Variants in ATXN3 observed in about 807,000 individuals in gnomAD.
ATXN3 encodes ataxin-3.
ATXN3 carries 28 observed loss-of-function variants against 58.2 expected under a neutral mutation model. The ratio of observed to expected loss-of-function variants is 0.48; its 90% CI spans 0.36 to 0.66. The LOEUF (loss-of-function observed/expected upper bound fraction) is 0.66, where lower values mean the gene tolerates loss of function less well. Ranked by LOEUF, ATXN3 falls within the 30% of genes least tolerant of loss-of-function variation. The pLI, the probability that ATXN3 is intolerant of heterozygous loss-of-function variation, is 0.00. For synonymous variants in ATXN3, 113 were observed against 138.5 expected (o/e 0.82, Z 1.29); for missense variants, 321 against 422.1 (o/e 0.76, Z 2.10).
intron 9 of ATXN3, among the ~76,000 whole-genome samples, chr14:92,076,812 T>A (rs1272313888): frequency 6.6e-6 from 1 of 151,216 alleles, no homozygotes; most frequent in Non-Finnish European, 1.5e-5. Context: ...TGGAGGCACT[T>A]GCCTGTAACC....
At chr14:92,069,507 G>A (rs1054538647) in intron 10 of ATXN3, among the ~76,000 whole-genome samples, 6 of 150,486 alleles carry the variant, frequency 4.0e-5, no homozygotes, top group East Asian at 2.0e-4. Context: ...CTGAATAGCT[G>A]GACTACAGGT....
In ATXN3 at chr14:92,082,366, G is replaced by C; in HGVS notation, c.709C>G (p.Arg237Gly). The C allele has an allele frequency of 6.2e-7, 1 of 1,614,040 alleles. No individual in the cohort carries two copies. The highest frequency in any genetic ancestry group is 8.5e-7 in the Non-Finnish European group (1 of 1,180,020). Residue 237 changes from arginine (R) to glycine (G), a missense_variant, in exon 8 of 11, where the codon CGC (arginine) becomes GGC (glycine). By Grantham distance (125) the Arg-to-Gly change is moderately radical. This residue lies in a region of ATXN3 where 200 missense variants were observed against 223.2 expected (regional missense o/e 0.90). Coordinates refer to ENST00000644486, the MANE Select transcript of ATXN3 (RefSeq NM_004993.6). ...EDLQRALALS[R>G]QEIDMEDEEA... The stretch of plus-strand genomic sequence containing the variant: ...TCATCTTCCATGTCAATTTCTTGGC[G>C]ACTTAGTGCCAGAGCCCTCTGCAAA...
At chr14:92,065,499 C>T (rs956883939) in intron 10 of ATXN3, among the ~76,000 whole-genome samples, 9 of 151,774 alleles carry the variant, frequency 5.9e-5, no homozygotes, top group Admixed American at 2.6e-4. Context: ...TTAGGGAGGC[C>T]GAGGCAGGCA....
At chr14:92,051,601 C>T (rs78991738), upstream of ATXN3, among the ~76,000 whole-genome samples, 585 of 145,066 alleles carry the variant, frequency 4.0e-3, 6 homozygotes, top group African/African-American at 0.014. Context: ...ACCCTGAGCC[C>T]TTTCAAAAAG....
chr14:92,069,414 C>A (rs1280561824), intron 10 of ATXN3, among the ~76,000 whole-genome samples: 1 of 136,178 alleles, frequency 7.3e-6, no homozygotes, highest in African/African-American at 2.8e-5. Context: ...TGCTCTGTCA[C>A]CCAGGCTGGA....
intron 3 of ATXN3, among the ~76,000 whole-genome samples, chr14:92,094,108 AT>A (rs2064596501): frequency 6.6e-6 from 1 of 151,806 alleles, no homozygotes; most frequent in African/African-American, 2.4e-5. Flanking sequence ...ACACCCAGCT[AT>A]TTTTGTATTT....
At chr14:92,106,465 T>C (rs1013993961) in intron 1 of ATXN3, 64 bp downstream of exon 1, 1 of 1,602,490 alleles carries the variant, frequency 6.2e-7, no homozygotes, top group African/African-American at 1.4e-5. Flanking sequence ...CGAGAGGCGG[T>C]GATGCCGCGC....
At chr14:92,094,186 C>T (rs556847412) in intron 3 of ATXN3, among the ~76,000 whole-genome samples, 1 of 152,024 alleles carries the variant, frequency 6.6e-6, no homozygotes, top group Non-Finnish European at 1.5e-5. Context: ...GTGATCCACC[C>T]GCCTGGGCCT....
At chr14:92,104,297 C>T (rs1450731086) in intron 1 of ATXN3, among the ~76,000 whole-genome samples, 1 of 152,112 alleles carries the variant, frequency 6.6e-6, no homozygotes, top group Non-Finnish European at 1.5e-5. Context: ...CCTGCCACCA[C>T]ACCTGGCTAA....
In ATXN3 at chr14:92,076,600, T is replaced by C. The variant is rs1358325455; in HGVS notation, c.872+4365A>G. Reference sequence around the variant, plus strand: ...AGATATACCTGTAAATTTTGTATTATAGTTTCTCTATGATGTATGTCTTTA... The same window carrying C: ...AGATATACCTGTAAATTTTGTATTACAGTTTCTCTATGATGTATGTCTTTA... On this transcript the variant is annotated intron_variant, in intron 9 of 10. Coordinates refer to ENST00000644486, the MANE Select transcript of ATXN3 (RefSeq NM_004993.6). Among the ~76,000 whole-genome samples, 4 of 152,090 alleles carry C rather than the reference T, an allele frequency of 2.6e-5. No homozygotes were observed. In the South Asian group the frequency reaches 6.2e-4, roughly 24 times the overall value.
chr14:92,074,312 C>T (rs757273036), intron 9 of ATXN3, among the ~76,000 whole-genome samples: 35 of 152,024 alleles, frequency 2.3e-4, no homozygotes, highest in Non-Finnish European at 5.1e-4. Context: ...GGGCGACAGA[C>T]AAGACTCCGT....
At chr14:92,081,521 G>T (rs2061488083) in intron 8 of ATXN3, among the ~76,000 whole-genome samples, 1 of 147,520 alleles carries the variant, frequency 6.8e-6, no homozygotes, top group Non-Finnish European at 1.5e-5. Flanking sequence ...ATCTAAAGCT[G>T]ATTTCTGTCC....
At chr14:92,091,970 ACAGGCATGAGC>A in intron 5 of ATXN3, among the ~76,000 whole-genome samples, 1 of 152,120 alleles carries the variant, frequency 6.6e-6, no homozygotes, top group Admixed American at 6.6e-5. Context: ...TGCTGGGATT[ACAGGCATGAGC>A]CACTGCATCT....
Position 92,100,757 on chromosome 14 carries a change from G to A in ATXN3, c.25-3919C>T, listed in dbSNP as rs569115272. ...GACAGTACCTAGAAAAGGGAATAAT[G>A]GGAGGTTATAGGATGCAGGTAAATC... On this transcript the variant is annotated intron_variant, in intron 1 of 10. Transcript: ENST00000644486. 2.1e-4 allele frequency among the ~76,000 whole-genome samples: 32 copies of A among 152,260 alleles called. 2 individuals are homozygous for A. Among genetic ancestry groups the A allele is most frequent in the Non-Finnish European group, 3.7e-4 (25 of 68,028 alleles).
chr14:92,105,750 T>A (rs2068142021), intron 1 of ATXN3, among the ~76,000 whole-genome samples: 1 of 152,096 alleles, frequency 6.6e-6, no homozygotes, highest in East Asian at 1.9e-4. Flanking sequence ...AAGTGCATGG[T>A]CACGGAAGAG....
chr14:92,087,980 T>C (rs1003586722), intron 6 of ATXN3, among the ~76,000 whole-genome samples: 2 of 151,810 alleles, frequency 1.3e-5, no homozygotes, highest in Non-Finnish European at 2.9e-5. Context: ...ACGAGTCAGA[T>C]CCTAAAATCA....
intron 9 of ATXN3, chr14:92,071,342 T>A (rs1006694957): frequency 6.0e-6 from 3 of 499,374 alleles, no homozygotes; most frequent in African/African-American, 5.9e-5. Flanking sequence ...ACACCTGTAA[T>A]CCCAGCACTT....
intron 1 of ATXN3, among the ~76,000 whole-genome samples, chr14:92,105,732 G>A (rs1410912085): frequency 6.6e-6 from 1 of 152,170 alleles, no homozygotes; most frequent in African/African-American, 2.4e-5. Flanking sequence ...ATCACAAACA[G>A]TATCTTCAAG....
Position 92,061,567 on chromosome 14 carries a change from T to C in ATXN3, c.*2753A>G, listed in dbSNP as rs926081364. On this transcript the variant is annotated 3_prime_UTR_variant, in exon 11 of 11. Coordinates refer to ENST00000644486, the MANE Select transcript of ATXN3 (RefSeq NM_004993.6). The stretch of plus-strand genomic sequence containing the variant: ...TACAAATTATACATTAGAAAAATGA[T>C]ACCAATAGTTTAAATATTAAACATT... 7 of 152,216 alleles carry C rather than the reference T, an allele frequency of 4.6e-5. No homozygotes were observed. Among genetic ancestry groups the C allele is most frequent in the Non-Finnish European group, 1.0e-4 (7 of 68,032 alleles). 9.4% of individuals were successfully genotyped at this position (152,216 alleles called of 1,614,324 possible). A position where few individuals can be genotyped will look rare whatever the true frequency, so the allele number is the denominator to read the frequency against.
Sources: allele counts gnomAD v4.1 joint callset (sites outside exome capture counted in the v4.1 genomes callset), GRCh38; gene constraint gnomAD v4.1.1; regional missense constraint gnomAD v4.1.1; transcripts MANE v1.5; gene names NCBI Gene and HGNC (gene_info 2026-07-23, HGNC 2026-07-21).